The following OXR1 variants were observed in gnomAD, a reference collection of about 807,000 sequenced individuals.
The protein encoded by OXR1 is oxidation resistance protein 1.
Under a neutral mutation model 104.6 loss-of-function variants are expected in OXR1, and 41 were observed. The observed-to-expected ratio is 0.39, with a 90% CI of 0.31 to 0.51. The LOEUF (loss-of-function observed/expected upper bound fraction) is 0.51, where lower values mean the gene tolerates loss of function less well. Among genes scored for constraint, OXR1 ranks in the 20% least tolerant of loss-of-function variants. The pLI is 0.77. For synonymous variants in OXR1, 348 were observed against 348.4 expected (o/e 1.00, Z 0.01); for missense variants, 955 against 1,031.9 (o/e 0.93, Z 1.02).
chr8:106,274,153 C>T (rs943928790), intron 1 of OXR1, among the ~76,000 whole-genome samples: 2 of 152,096 alleles, frequency 1.3e-5, no homozygotes, highest in Non-Finnish European at 2.9e-5. Flanking sequence ...ATAATTTTCT[C>T]GTATTGTATT....
At chr8:106,423,472 C>G (rs956849475) in intron 2 of OXR1, among the ~76,000 whole-genome samples, 5 of 152,092 alleles carry the variant, frequency 3.3e-5, no homozygotes, top group Admixed American at 6.5e-5. Context: ...AGGTTATACT[C>G]TAGAAGCAAT....
intron 2 of OXR1, among the ~76,000 whole-genome samples, chr8:106,395,160 A>T (rs1228450412): frequency 1.3e-5 from 2 of 152,186 alleles, no homozygotes; most frequent in African/African-American, 2.4e-5. Flanking sequence ...TATGTTTTAG[A>T]TCATGGGAGC....
chr8:106,659,547 C>A (rs1351058635), intron 3 of OXR1, among the ~76,000 whole-genome samples: 1 of 152,172 alleles, frequency 6.6e-6, no homozygotes, highest in East Asian at 1.9e-4. Flanking sequence ...TTAAAGTGTT[C>A]AAATCAAGGA....
rs117926248 is a variant in OXR1, at chr8:106,697,302, C to G, written c.675+4425C>G. The G allele has an allele frequency of 8.1e-4, 630 of 781,180 alleles. 8 individuals are homozygous for G. The East Asian group carries it at 0.013, about 16-fold the overall frequency. 48.4% of individuals were successfully genotyped at this position (781,180 alleles called of 1,614,324 possible). On this transcript the variant is annotated intron_variant, in intron 7 of 16. Transcript: ENST00000517566. Reference sequence around the variant, plus strand: ...CAGAGGTGATAGGACAGGCTGAACCCCTCACCCTGACAGAAGGGAGCTTAA... The same window carrying G: ...CAGAGGTGATAGGACAGGCTGAACCGCTCACCCTGACAGAAGGGAGCTTAA...
chr8:106,374,943 T>C (rs1816850743), intron 2 of OXR1, among the ~76,000 whole-genome samples: 1 of 152,170 alleles, frequency 6.6e-6, no homozygotes, highest in Non-Finnish European at 1.5e-5. Flanking sequence ...TAATTGAAAA[T>C]TGGTTTTGCT....
intron 1 of OXR1, among the ~76,000 whole-genome samples, chr8:106,286,141 C>T (rs1314884521): frequency 6.6e-6 from 1 of 152,164 alleles, no homozygotes; most frequent in East Asian, 1.9e-4. Context: ...TGCTGTCTTT[C>T]TCATGGAGCT....
intron 7 of OXR1, among the ~76,000 whole-genome samples, chr8:106,700,275 G>T (rs1830471537): frequency 1.3e-5 from 2 of 152,180 alleles, no homozygotes; most frequent in South Asian, 4.1e-4. Context: ...TAATGAGATG[G>T]GAGTGCTTTG....
intron 7 of OXR1, among the ~76,000 whole-genome samples, chr8:106,694,894 A>C (rs1829792558): frequency 7.4e-6 from 1 of 135,434 alleles, no homozygotes; most frequent in African/African-American, 2.7e-5. Context: ...TTAATAGATA[A>C]ATATATTTAT....
chr8:106,528,294 G>T (rs1255358693), intron 3 of OXR1, among the ~76,000 whole-genome samples: 1 of 152,100 alleles, frequency 6.6e-6, no homozygotes, highest in Admixed American at 6.5e-5. Context: ...TATTAAGTTG[G>T]GAAATGGTCC....
In OXR1 at chr8:106,664,170, T is replaced by C. The variant is rs149028004; in HGVS notation, c.221-15040T>C. 7.2e-5 allele frequency among the ~76,000 whole-genome samples: 11 copies of C among 152,342 alleles called. No individual in the cohort carries two copies. In the East Asian group the frequency reaches 2.1e-3, roughly 29 times the overall value. On this transcript the variant is annotated intron_variant, in intron 3 of 16. Coordinates refer to ENST00000517566, the MANE Select transcript of OXR1 (RefSeq NM_001198533.2). ...AGGCATGAGGTTGATTTGCCTGTTT[T>C]AGAATTGCTGCTTGTCTCACAGGAT... is the stretch of plus-strand genomic sequence containing the variant.
intron 2 of OXR1, among the ~76,000 whole-genome samples, chr8:106,384,445 GT>G (rs562325586): frequency 3.0e-4 from 46 of 152,272 alleles, no homozygotes; most frequent in African/African-American, 1.0e-3. Flanking sequence ...CCTTGACAGT[GT>G]TATCCTAGGC....
chr8:106,697,732 G>A (rs1830193695), intron 7 of OXR1: 7 of 1,614,040 alleles, frequency 4.3e-6, no homozygotes, highest in Non-Finnish European at 5.9e-6. Context: ...CAGGAACTGA[G>A]AGATCTTCTC....
chr8:106,387,180 TTAA>T (rs1314306170), intron 2 of OXR1, among the ~76,000 whole-genome samples: 1 of 152,204 alleles, frequency 6.6e-6, no homozygotes, highest in African/African-American at 2.4e-5. Flanking sequence ...TACAGACATG[TTAA>T]ACTATAGAAC....
At chr8:106,310,718 T>C (rs1813665773) in intron 1 of OXR1, among the ~76,000 whole-genome samples, 1 of 152,192 alleles carries the variant, frequency 6.6e-6, no homozygotes, top group Admixed American at 6.5e-5. Context: ...CTCCTAAATT[T>C]TGAAAGCATT....
chr8:106,607,523 G>A (rs1259226296), intron 3 of OXR1, among the ~76,000 whole-genome samples: 1 of 152,186 alleles, frequency 6.6e-6, no homozygotes, highest in African/African-American at 2.4e-5. Context: ...CAAAGCCTCA[G>A]AACCATCTCC....
chr8:106,465,292 G>C (rs1373259567), intron 2 of OXR1, among the ~76,000 whole-genome samples: 1 of 151,856 alleles, frequency 6.6e-6, no homozygotes, highest in Non-Finnish European at 1.5e-5. Flanking sequence ...AGGACAATGT[G>C]ATTAAAGTGG....
At chr8:106,378,088 A>T (rs1816983532) in intron 2 of OXR1, among the ~76,000 whole-genome samples, 1 of 152,232 alleles carries the variant, frequency 6.6e-6, no homozygotes, top group Non-Finnish European at 1.5e-5. Context: ...ATTAAGAATC[A>T]ACTTGTTAGA....
chr8:106,275,136 C>T (rs1347456038), intron 1 of OXR1, among the ~76,000 whole-genome samples: 1 of 152,158 alleles, frequency 6.6e-6, no homozygotes, highest in Non-Finnish European at 1.5e-5. Flanking sequence ...GACTTCAGAA[C>T]ATAATTGGTG....
intron 3 of OXR1, among the ~76,000 whole-genome samples, chr8:106,652,360 C>A (rs1438382394): frequency 6.6e-6 from 1 of 151,916 alleles, no homozygotes; most frequent in Non-Finnish European, 1.5e-5. Flanking sequence ...CCAGGATAGA[C>A]TATAAACTAG....
Sources: gnomAD v4.1 joint callset for allele counts (sites outside exome capture counted in the v4.1 genomes callset) on GRCh38, gnomAD v4.1.1 for gene constraint, MANE v1.5 for transcripts, NCBI Gene and HGNC (gene_info 2026-07-23, HGNC 2026-07-21) for gene names.